The following XKR9 variants were observed in gnomAD, a reference collection of about 807,000 sequenced individuals.
XKR9 encodes XK related 9, also known as XK-related protein 9.
In XKR9, 32 loss-of-function variants were observed where a neutral mutation model predicts 32.0. The ratio of observed to expected loss-of-function variants is 1.00; its 90% CI spans 0.76 to 1.34. The LOEUF is 1.34. XKR9 is among the 40% of genes most tolerant of loss of function. The pLI is 0.00. For synonymous variants in XKR9, 168 were observed against 143.4 expected (o/e 1.17, Z -1.22); for missense variants, 546 against 429.7 (o/e 1.27, Z -2.39).
the XKR9 span, among the ~76,000 whole-genome samples, chr8:71,056,374 TA>T: frequency 6.6e-6 from 1 of 152,190 alleles, no homozygotes; most frequent in East Asian, 1.9e-4. Flanking sequence ...GAAAAAGGAA[TA>T]AAAAACTTCA....
At chr8:70,731,012 T>C (rs1806645571) in intron 4 of XKR9, among the ~76,000 whole-genome samples, 1 of 152,204 alleles carries the variant, frequency 6.6e-6, no homozygotes, top group Non-Finnish European at 1.5e-5. Context: ...TCATCCAGTA[T>C]TGGTGTCAGG....
chr8:70,771,456 T>C (rs1237418261), intron 2 of XKR9, among the ~76,000 whole-genome samples: 1 of 152,196 alleles, frequency 6.6e-6, no homozygotes, highest in Non-Finnish European at 1.5e-5. Context: ...GATTACTAAA[T>C]TTTTTTCTCT....
the XKR9 span, among the ~76,000 whole-genome samples, chr8:70,970,275 A>G: frequency 6.6e-6 from 1 of 152,098 alleles, no homozygotes; most frequent in African/African-American, 2.4e-5. Flanking sequence ...GGATTGCTGG[A>G]TCAAATGGTA....
intron 2 of XKR9, among the ~76,000 whole-genome samples, chr8:70,768,670 C>T (rs561008944): frequency 6.6e-6 from 1 of 151,740 alleles, no homozygotes; most frequent in Non-Finnish European, 1.5e-5. Flanking sequence ...ATCCCTTTAC[C>T]ATTAAGTAAT....
At chr8:70,851,790 G>T in the XKR9 span, among the ~76,000 whole-genome samples, 1 of 152,316 alleles carries the variant, frequency 6.6e-6, no homozygotes, top group African/African-American at 2.4e-5. Context: ...ACTGAAGATG[G>T]ATTAAAGATT....
the XKR9 span, among the ~76,000 whole-genome samples, chr8:71,011,872 T>C: frequency 1.3e-5 from 2 of 152,206 alleles, no homozygotes; most frequent in Non-Finnish European, 2.9e-5. Flanking sequence ...ATTTCGCAGC[T>C]AGGTAGCAGT....
At chr8:71,014,046 C>T in the XKR9 span, among the ~76,000 whole-genome samples, 36 of 152,040 alleles carry the variant, frequency 2.4e-4, no homozygotes, top group African/African-American at 8.2e-4. Flanking sequence ...GAAACTTTGT[C>T]GCAAATTTGG....
chr8:70,858,009 A>T, the XKR9 span, among the ~76,000 whole-genome samples: 1 of 152,330 alleles, frequency 6.6e-6, no homozygotes, highest in East Asian at 1.9e-4. Flanking sequence ...AGCCAATAGC[A>T]TACTGAATGG....
the XKR9 span, among the ~76,000 whole-genome samples, chr8:70,988,912 A>G: frequency 2.0e-5 from 3 of 152,198 alleles, no homozygotes; most frequent in Admixed American, 6.5e-5. Flanking sequence ...GGAATCGTAT[A>G]GGATTTGTCT....
chr8:70,810,900 G>A, the XKR9 span, among the ~76,000 whole-genome samples: 20 of 152,106 alleles, frequency 1.3e-4, no homozygotes, highest in Non-Finnish European at 2.2e-4. Context: ...AAGTTAACAA[G>A]GATATCCAGG....
At chr8:70,809,859 A>G in the XKR9 span, among the ~76,000 whole-genome samples, 3 of 152,370 alleles carry the variant, frequency 2.0e-5, no homozygotes, top group Admixed American at 6.5e-5. Flanking sequence ...AAGTTGGAAA[A>G]CACTCTGCAG....
the XKR9 span, among the ~76,000 whole-genome samples, chr8:70,869,362 G>A: frequency 6.6e-6 from 1 of 152,194 alleles, no homozygotes; most frequent in African/African-American, 2.4e-5. Context: ...CATTATCATG[G>A]CAGAAGGCAA....
At chr8:70,998,484 G>A in the XKR9 span, among the ~76,000 whole-genome samples, 1 of 152,200 alleles carries the variant, frequency 6.6e-6, no homozygotes, top group South Asian at 2.1e-4. Context: ...TGGAAAATGT[G>A]TACTTCCCTG....
the XKR9 span, among the ~76,000 whole-genome samples, chr8:71,058,688 TC>T: frequency 6.6e-6 from 1 of 152,172 alleles, no homozygotes; most frequent in Admixed American, 6.5e-5. Context: ...TCCAATTCTA[TC>T]AAAAACTGAA....
chr8:70,865,779 T>C, the XKR9 span, among the ~76,000 whole-genome samples: 1 of 152,230 alleles, frequency 6.6e-6, no homozygotes, highest in Admixed American at 6.5e-5. Context: ...CTTGTGCTTC[T>C]GAAAGTGTGG....
chr8:70,954,714 G>A, the XKR9 span, among the ~76,000 whole-genome samples: 89 of 152,180 alleles, frequency 5.8e-4, no homozygotes, highest in African/African-American at 2.1e-3. Flanking sequence ...TAAAGGCATT[G>A]GTCATTTATA....
At chr8:70,761,591 G>T (rs1248695115) in intron 2 of XKR9, among the ~76,000 whole-genome samples, 2 of 152,054 alleles carry the variant, frequency 1.3e-5, no homozygotes, top group Non-Finnish European at 2.9e-5. Flanking sequence ...ATAGATGCTG[G>T]ATATTAGACC....
chr8:70,766,242 GA>G (rs1251097881), intron 2 of XKR9, among the ~76,000 whole-genome samples: 3 of 152,134 alleles, frequency 2.0e-5, no homozygotes, highest in African/African-American at 2.4e-5. Flanking sequence ...CATGAATATG[GA>G]ATGTTCTTCC....
intron 2 of XKR9, among the ~76,000 whole-genome samples, chr8:70,761,226 C>A (rs1807304672): frequency 6.6e-6 from 1 of 152,080 alleles, no homozygotes; most frequent in Non-Finnish European, 1.5e-5. Flanking sequence ...GGGTATATAC[C>A]CAGTAATGGG....
Sources: gnomAD v4.1 joint callset for allele counts (sites outside exome capture counted in the v4.1 genomes callset) on GRCh38, gnomAD v4.1.1 for gene constraint, MANE v1.5 for transcripts, NCBI Gene and HGNC (gene_info 2026-07-23, HGNC 2026-07-21) for gene names.